The following MCM5 variants were observed in gnomAD, a reference collection of about 807,000 sequenced individuals.
The protein encoded by MCM5 is minichromosome maintenance complex component 5.
MCM5 carries 46 observed loss-of-function variants against 79.9 expected under a neutral mutation model. That is an observed-to-expected ratio of 0.58 (90% CI 0.45 to 0.74). MCM5 has a LOEUF of 0.74. MCM5 is among the 30% of genes least tolerant of loss of function. MCM5 has a pLI of 0.00. For synonymous variants in MCM5, 404 were observed against 390.5 expected (o/e 1.03, Z -0.41); for missense variants, 883 against 1,017.0 (o/e 0.87, Z 1.79).
chr22:35,410,829 A>G lies in MCM5; in HGVS notation c.838A>G (p.Arg280Gly), dbSNP rs1474411430. The G allele has an allele frequency of 6.2e-7, 1 of 1,613,954 alleles. No homozygotes were observed. Among genetic ancestry groups the G allele is most frequent in the East Asian group, 2.2e-5 (1 of 44,888 alleles). Residue 280 changes from arginine to glycine, a missense_variant, in exon 7 of 17, where the codon AGG becomes GGG. Physicochemically the swap from Arg to Gly is moderately radical, Grantham distance 125. This residue lies in a region of MCM5 where 455 missense variants were observed against 517.5 expected (regional missense o/e 0.88). Transcript: ENST00000216122. ...CAAGAAGTTTGGCCTGACTACCAGC[A>G]GGGGCCGTGACAGGGTGGGCGTGGG... Reference protein sequence around the residue: ...SIKKFGLTTSRGRDRVGVGIR... With the variant: ...SIKKFGLTTSGGRDRVGVGIR...
chr22:35,446,180 C>T, the MCM5 span, among the ~76,000 whole-genome samples: 1 of 152,204 alleles, frequency 6.6e-6, no homozygotes, highest in Non-Finnish European at 1.5e-5. Flanking sequence ...GTGTTCTCCT[C>T]TGGTAGGCAT....
At chr22:35,451,422 C>T in the MCM5 span, among the ~76,000 whole-genome samples, 2 of 152,222 alleles carry the variant, frequency 1.3e-5, no homozygotes, top group African/African-American at 4.8e-5. Context: ...GCAAGCTGCG[C>T]GTTCATGGAG....
chr22:35,430,406 T>A (rs1285105114), downstream of MCM5, among the ~76,000 whole-genome samples: 2 of 152,182 alleles, frequency 1.3e-5, no homozygotes, highest in African/African-American at 2.4e-5. Flanking sequence ...CAGGAGTGCC[T>A]GTAGTTAATC....
chr22:35,422,013 C>G (rs1263525464), intron 15 of MCM5: 1 of 188,530 alleles, frequency 5.3e-6, no homozygotes, highest in African/African-American at 2.3e-5. Flanking sequence ...ACAGACTGTC[C>G]CAGGCACCGA....
Position 35,424,293 on chromosome 22 carries a change from C to G in MCM5, c.*38C>G, listed in dbSNP as rs368741573. On this transcript the variant is annotated 3_prime_UTR_variant, in exon 17 of 17. Transcript: ENST00000216122. ...CACTGGACTCATGGACTCGCCCACGCCTCGCCCCTCCTGCCGCTGCCTGCC... is the reference window on the plus strand; with the variant it reads ...CACTGGACTCATGGACTCGCCCACGGCTCGCCCCTCCTGCCGCTGCCTGCC... 3 of 1,397,932 alleles carry G rather than the reference C, an allele frequency of 2.1e-6. No individual in the cohort carries two copies. The African/African-American group carries it at 4.3e-5, about 20-fold the overall frequency. 86.6% of individuals were successfully genotyped at this position (1,397,932 alleles called of 1,614,324 possible).
chr22:35,408,544 A>G lies in MCM5; in HGVS notation c.733A>G (p.Met245Val), dbSNP rs1361158155. ...CCCCCACGGGGAGATGCCCAGACAC[A>G]TGCAGCTCTACTGCGACAGGTGAGG... Reference protein sequence around the residue: ...AVPHGEMPRHMQLYCDRYLCD... With the variant: ...AVPHGEMPRHVQLYCDRYLCD... The change falls in exon 6 of 17, where the codon ATG (methionine) becomes GTG (valine). Residue 245 changes from methionine (M) to valine (V), a missense_variant. Met to Val is a conservative substitution (Grantham distance 21, BLOSUM62 1). Coordinates refer to ENST00000216122, the MANE Select transcript of MCM5 (RefSeq NM_006739.4). 2.5e-6 allele frequency: 4 copies of G among 1,612,614 alleles called. No individual in the cohort carries two copies. Among genetic ancestry groups the G allele is most frequent in the South Asian group, 1.1e-5 (1 of 91,058 alleles).
At chr22:35,448,855 ATGGACCAC>A in the MCM5 span, among the ~76,000 whole-genome samples, 25 of 152,284 alleles carry the variant, frequency 1.6e-4, no homozygotes, top group African/African-American at 5.5e-4. Flanking sequence ...CCTCTCATCC[ATGGACCAC>A]TGGGCCACCT....
intron 5 of MCM5, among the ~76,000 whole-genome samples, chr22:35,407,898 G>C (rs1004902257): frequency 6.6e-6 from 1 of 152,176 alleles, no homozygotes; most frequent in Non-Finnish European, 1.5e-5. Flanking sequence ...CCTGCACCTG[G>C]AATAGTGTCA....
At chr22:35,451,227 TGTAA>T in the MCM5 span, among the ~76,000 whole-genome samples, 1 of 152,254 alleles carries the variant, frequency 6.6e-6, no homozygotes, top group Non-Finnish European at 1.5e-5. Flanking sequence ...CCTTGGCAAC[TGTAA>T]GTTTCCAATT....
At chr22:35,417,976 G>T in intron 13 of MCM5, 120 bp downstream of exon 13, 1 of 686,034 alleles carries the variant, frequency 1.5e-6, no homozygotes, top group South Asian at 1.7e-5. Flanking sequence ...GCTGTTCTGA[G>T]GTTCTCAGCT....
chr22:35,450,849 G>A, the MCM5 span, among the ~76,000 whole-genome samples: 2 of 152,284 alleles, frequency 1.3e-5, no homozygotes, highest in East Asian at 1.9e-4. Flanking sequence ...CACTCTGTCC[G>A]CTCACGCTTT....
At chr22:35,401,339 C>G (rs1276212050) in intron 2 of MCM5, 1 of 465,006 alleles carries the variant, frequency 2.2e-6, no homozygotes, top group South Asian at 1.6e-5. Flanking sequence ...TTAGGATTCA[C>G]TTCACTTCGC....
intron 15 of MCM5, chr22:35,422,402 A>G (rs1349047321): frequency 6.6e-6 from 1 of 152,396 alleles, no homozygotes; most frequent in Non-Finnish European, 1.5e-5. Flanking sequence ...AGGTGGAGGC[A>G]GCGCTAAGTG....
At chr22:35,413,746 C>T (rs1024843240) in intron 8 of MCM5, 129 bp from the exon 9 acceptor site, 18 of 655,168 alleles carry the variant, frequency 2.7e-5, no homozygotes, top group African/African-American at 2.0e-4. Context: ...ACAGCCACTA[C>T]CTTCTTACCA....
rs754316663 is a variant in MCM5 at position 35,413,862 on chromosome 22, C to T, written c.1092-13C>T. ...TGGATTCTCACCTTGTCCATCTACC[C>T]TTCGTCCCCCAGGCTCCCTGATGGA... On this transcript the variant is annotated splice_polypyrimidine_tract_variant and intron_variant, in intron 8 of 16. Transcript: ENST00000216122. 2 of 1,521,824 alleles carry T rather than the reference C, an allele frequency of 1.3e-6. No individual in the cohort carries two copies. Among genetic ancestry groups the T allele is most frequent in the Admixed American group, 1.7e-5 (1 of 59,880 alleles). The allele number at this position is 1,521,824 out of a possible 1,614,324, so 94.3% of individuals were successfully genotyped here. A position where few individuals can be genotyped will look rare whatever the true frequency, so the allele number is the denominator to read the frequency against.
At chr22:35,400,677 G>A (rs945038309) in intron 2 of MCM5, 72 bp downstream of exon 2, 2 of 1,461,924 alleles carry the variant, frequency 1.4e-6, no homozygotes, top group Non-Finnish European at 9.1e-7. Flanking sequence ...GCCTGCTAGA[G>A]TCCTGGACAG....
chr22:35,411,138 A>G, intron 7 of MCM5: 1 of 398,822 alleles, frequency 2.5e-6, no homozygotes, highest in Non-Finnish European at 4.5e-6. Context: ...TTAAGGCAGA[A>G]GGACTGAGGT....
chr22:35,422,043 C>T (rs976219533), intron 15 of MCM5: 2 of 177,442 alleles, frequency 1.1e-5, no homozygotes, highest in Admixed American at 5.4e-5. Flanking sequence ...AGGCTACCTA[C>T]GCTGGGGAAA....
At chr22:35,418,425 G>A (rs1015953184) in intron 13 of MCM5, among the ~76,000 whole-genome samples, 15 of 152,014 alleles carry the variant, frequency 9.9e-5, no homozygotes, top group Admixed American at 5.9e-4. Flanking sequence ...TTTGGGAGGC[G>A]GAGGCAGGTG....
Sources: allele counts gnomAD v4.1 joint callset (sites outside exome capture counted in the v4.1 genomes callset), GRCh38; gene constraint gnomAD v4.1.1; regional missense constraint gnomAD v4.1.1; transcripts MANE v1.5; gene names NCBI Gene and HGNC (gene_info 2026-07-23, HGNC 2026-07-21).